Variants in CFAP45 observed in about 807,000 individuals in gnomAD.
CFAP45 encodes the protein cilia- and flagella-associated protein 45.
Under a neutral mutation model 75.6 loss-of-function variants are expected in CFAP45, and 43 were observed. The ratio of observed to expected loss-of-function variants is 0.57; its 90% CI spans 0.45 to 0.73. The LOEUF is 0.73. Among genes scored for constraint, CFAP45 ranks in the 30% least tolerant of loss-of-function variants. The pLI is 0.00. For synonymous variants in CFAP45, 223 were observed against 244.6 expected (o/e 0.91, Z 0.82); for missense variants, 689 against 701.5 (o/e 0.98, Z 0.20).
chr1:159,895,494 A>G (rs751538572), intron 1 of CFAP45, among the ~76,000 whole-genome samples: 4 of 152,180 alleles, frequency 2.6e-5, no homozygotes, highest in Non-Finnish European at 4.4e-5. Flanking sequence ...TTCACACTCG[A>G]TTGGACAATT....
chr1:159,887,156 T>C (rs1649708550), intron 5 of CFAP45, among the ~76,000 whole-genome samples: 1 of 152,136 alleles, frequency 6.6e-6, no homozygotes, highest in Non-Finnish European at 1.5e-5. Context: ...GGCCACAAGA[T>C]TTTTAAGCTG....
intron 5 of CFAP45, among the ~76,000 whole-genome samples, chr1:159,887,533 C>T (rs1042766959): frequency 1.3e-5 from 2 of 152,230 alleles, no homozygotes; most frequent in African/African-American, 2.4e-5. Flanking sequence ...GCCCACAAAG[C>T]CTCTCCCATC....
chr1:159,887,773 C>T (rs1419224260), intron 5 of CFAP45, 68 bp downstream of exon 5: 17 of 1,214,280 alleles, frequency 1.4e-5, no homozygotes, highest in Middle Eastern at 3.2e-4. Context: ...TTGTCCAGTG[C>T]GGGAATAAGG....
At position 159,890,608 on chromosome 1, in the gene CFAP45, G is replaced by T. The variant is rs777317854; in HGVS notation, c.144C>A (p.Gly48=). ...LFGDIKSPAQ[G]QSDSPIVLLR... ...GCAGCACAATGGGGCTGTCGCTCTG[G>T]CCCTGGGCTGGGGACTATGAGTTCA... The change falls in exon 3 of 12, where the codon GGC becomes GGA. Residue 48 remains glycine, a synonymous_variant. Transcript: ENST00000368099. The T allele has an allele frequency of 1.9e-6, 3 of 1,614,120 alleles. No individual in the cohort carries two copies. The Admixed American group carries it at 5.0e-5, about 27-fold the overall frequency.
chr1:159,894,060 T>C (rs1450362110), intron 1 of CFAP45, among the ~76,000 whole-genome samples: 1 of 152,180 alleles, frequency 6.6e-6, no homozygotes, highest in Admixed American at 6.5e-5. Flanking sequence ...ACAATGTATA[T>C]ACATGTATCA....
At chr1:159,878,919 T>C (rs1649480384) in intron 8 of CFAP45, among the ~76,000 whole-genome samples, 1 of 152,106 alleles carries the variant, frequency 6.6e-6, no homozygotes, top group African/African-American at 2.4e-5. Flanking sequence ...ACTCTGGGTG[T>C]TTCTACAACC....
At chr1:159,898,053 C>T in intron 1 of CFAP45, 1 of 955,182 alleles carries the variant, frequency 1.0e-6, no homozygotes, top group Non-Finnish European at 1.2e-6. Flanking sequence ...ATGTCTTTTC[C>T]TAGATGTCTT....
intron 1 of CFAP45, among the ~76,000 whole-genome samples, chr1:159,897,047 C>A (rs1395579634): frequency 6.6e-6 from 1 of 150,670 alleles, no homozygotes; most frequent in Admixed American, 6.6e-5. Context: ...GTGGATCCAT[C>A]GAACTCAGGA....
intron 6 of CFAP45, among the ~76,000 whole-genome samples, chr1:159,884,969 A>C (rs1403098173): frequency 4.6e-5 from 7 of 152,206 alleles, no homozygotes; most frequent in African/African-American, 7.2e-5. Flanking sequence ...ACAAACAAAC[A>C]AACCCAGGGT....
intron 5 of CFAP45, 44 bp from the exon 6 acceptor site, chr1:159,886,733 G>A (rs774622397): frequency 2.6e-6 from 4 of 1,530,022 alleles, no homozygotes; most frequent in African/African-American, 2.7e-5. Context: ...CTAGGGATGT[G>A]TAAGTTTAAG....
At chr1:159,895,940 C>T (rs1167856330) in intron 1 of CFAP45, among the ~76,000 whole-genome samples, 2 of 152,150 alleles carry the variant, frequency 1.3e-5, no homozygotes, top group African/African-American at 4.8e-5. Flanking sequence ...ATGAATAAAA[C>T]CGAACAAGGT....
chr1:159,878,974 T>C (rs77728426), intron 8 of CFAP45, among the ~76,000 whole-genome samples: 1,852 of 152,076 alleles, frequency 0.012, 44 homozygotes, highest in African/African-American at 0.042. Flanking sequence ...GCTGCAAGAA[T>C]AGATACCACC....
rs558481002 is a variant in CFAP45 at position 159,873,370 on chromosome 1, A to G, written c.1353-202T>C. 4 of 597,388 alleles carry G rather than the reference A, an allele frequency of 6.7e-6. No individual in the cohort carries two copies. The East Asian group carries it at 1.1e-4, about 17-fold the overall frequency. The allele number at this position is 597,388 out of a possible 1,614,324, so 37.0% of individuals were successfully genotyped here. A position where few individuals can be genotyped will look rare whatever the true frequency, so the allele number is the denominator to read the frequency against. On this transcript the variant is annotated intron_variant, in intron 10 of 11. Transcript: ENST00000368099. ...GCATGCCCCCTTCTCCTACCCAGCC[A>G]GGACTAGCTCCAGGGTCGCATGACT...
chr1:159,888,403 T>G lies in CFAP45; in HGVS notation c.366A>C (p.Glu122Asp), dbSNP rs147350515. ...IKWASHVLTREELEARDQAFK... is the reference protein window; with the variant it reads ...IKWASHVLTRDELEARDQAFK... Reference sequence around the variant, plus strand: ...AGGCCTGGTCCCTGGCCTCAAGTTCTTCTCTGGTCAGGACATGGGATGCCC... The same window carrying G: ...AGGCCTGGTCCCTGGCCTCAAGTTCGTCTCTGGTCAGGACATGGGATGCCC... The change falls in exon 4 of 12, where the codon GAA becomes GAC. Residue 122 changes from glutamate (E) to aspartate (D), a missense_variant. Physicochemically the swap from Glu to Asp is conservative, Grantham distance 45. Transcript: ENST00000368099. The G allele has an allele frequency of 3.2e-4, 516 of 1,614,162 alleles. 7 individuals carry two copies. In the East Asian group the frequency reaches 0.011, roughly 34 times the overall value.
At chr1:159,884,899 C>A (rs1418205687) in intron 6 of CFAP45, among the ~76,000 whole-genome samples, 1 of 152,168 alleles carries the variant, frequency 6.6e-6, no homozygotes, top group Non-Finnish European at 1.5e-5. Context: ...CTACCACCTC[C>A]CAATTCTTCC....
At chr1:159,884,686 C>G in intron 6 of CFAP45, 121 bp from the exon 7 acceptor site, 2 of 1,010,468 alleles carry the variant, frequency 2.0e-6, no homozygotes, top group Non-Finnish European at 2.9e-6. Context: ...ACAAGTGCCC[C>G]CTAAACATGA....
intron 2 of CFAP45, 135 bp from the exon 3 acceptor site, chr1:159,890,757 C>CA (rs1553222769): frequency 5.6e-5 from 18 of 319,390 alleles, no homozygotes; most frequent in Admixed American, 1.9e-4. Flanking sequence ...CTTTTCTTTT[C>CA]TTTTTTTTTT....
intron 1 of CFAP45, among the ~76,000 whole-genome samples, chr1:159,898,623 C>T (rs1475568404): frequency 6.6e-6 from 1 of 152,202 alleles, no homozygotes; most frequent in Non-Finnish European, 1.5e-5. Context: ...TCTGGGTGCT[C>T]TGAAGCCCAC....
At chr1:159,879,789 A>G (rs1252026976) in intron 8 of CFAP45, among the ~76,000 whole-genome samples, 1 of 152,216 alleles carries the variant, frequency 6.6e-6, no homozygotes, top group Admixed American at 6.5e-5. Flanking sequence ...AGGAGCATAG[A>G]GAAGTACAAT....
Sources: gnomAD v4.1 joint callset for allele counts (sites outside exome capture counted in the v4.1 genomes callset) on GRCh38, gnomAD v4.1.1 for gene constraint, MANE v1.5 for transcripts, NCBI Gene and HGNC (gene_info 2026-07-23, HGNC 2026-07-21) for gene names.